Variants in DMD observed in about 807,000 individuals in gnomAD.
DMD encodes the protein mutant dystrophin.
In DMD, 63 loss-of-function variants were observed where a neutral mutation model predicts 330.1. That is an observed-to-expected ratio of 0.19 (90% CI 0.16 to 0.24). DMD has a LOEUF of 0.24. Ranked by LOEUF, DMD falls within the 10% of genes least tolerant of loss-of-function variation. The pLI is 1.00. For synonymous variants in DMD, 1,223 were observed against 959.8 expected, an observed-to-expected ratio of 1.27 and a Z score of -5.07; for missense variants, 3,344 against 2,684.1, an observed-to-expected ratio of 1.25 and a Z score of -5.43.
intron 1 of DMD, among the ~76,000 whole-genome samples, chrX:33,049,803 G>C (rs1408689037): frequency 9.0e-6 from 1 of 111,289 alleles, no homozygotes; most frequent in Non-Finnish European, 1.9e-5. Flanking sequence ...CATGAACTTG[G>C]ATACTTCTGT....
intron 2 of DMD, among the ~76,000 whole-genome samples, chrX:32,968,490 T>C (rs1465155900): frequency 8.9e-6 from 1 of 111,818 alleles, no homozygotes; most frequent in Non-Finnish European, 1.9e-5. Context: ...ATTTTTATCC[T>C]TCATTTGCTA....
chrX:32,030,602 G>A (rs1289394696), intron 44 of DMD, among the ~76,000 whole-genome samples: 1 of 111,803 alleles, frequency 8.9e-6, no homozygotes, highest in Non-Finnish European at 1.9e-5. Flanking sequence ...CATTGAAGAG[G>A]TTTGGCTTGT....
chrX:32,834,995 A>G (rs1478842950), intron 4 of DMD, among the ~76,000 whole-genome samples: 1 of 111,481 alleles, frequency 9.0e-6, no homozygotes, highest in African/African-American at 3.3e-5. Context: ...AAAGCACCAC[A>G]GTTAAATCTC....
chrX:32,939,393 C>A (rs1478450602), intron 2 of DMD, among the ~76,000 whole-genome samples: 1 of 110,115 alleles, frequency 9.1e-6, no homozygotes, highest in Non-Finnish European at 1.9e-5. Flanking sequence ...TATTGGCCAA[C>A]CACCTTGCAA....
chrX:32,722,299 C>CA (rs1460412814), intron 7 of DMD, among the ~76,000 whole-genome samples: 1 of 110,530 alleles, frequency 9.0e-6, no homozygotes, highest in Non-Finnish European at 1.9e-5. Flanking sequence ...AATACAACAA[C>CA]AAAAAATATT....
At chrX:31,744,024 C>G (rs1406485705) in intron 51 of DMD, among the ~76,000 whole-genome samples, 1 of 110,589 alleles carries the variant, frequency 9.0e-6, no homozygotes, top group Non-Finnish European at 1.9e-5. Flanking sequence ...CCACCATGCC[C>G]AGTTAATTTT....
intron 62 of DMD, among the ~76,000 whole-genome samples, chrX:31,316,170 G>T (rs1382192972): frequency 8.9e-6 from 1 of 112,129 alleles, no homozygotes; most frequent in Non-Finnish European, 1.9e-5. Context: ...AACTGTAGGA[G>T]CTATGAGAAA....
At chrX:33,118,439 T>C (rs958397802) in intron 1 of DMD, among the ~76,000 whole-genome samples, 4 of 111,595 alleles carry the variant, frequency 3.6e-5, no homozygotes, top group African/African-American at 1.3e-4. Context: ...TTTAAAGGGA[T>C]GTGACACAGT....
intron 42 of DMD, among the ~76,000 whole-genome samples, chrX:32,297,581 CATATATTATATCTTGGGT>C (rs778035744): frequency 9.0e-6 from 1 of 111,599 alleles, no homozygotes; most frequent in South Asian, 3.8e-4. Flanking sequence ...CTGAGACAGT[CATATATTATATCTTGGGT>C]ATATACTAGT....
chrX:33,115,612 C>T (rs1169539808), intron 1 of DMD, among the ~76,000 whole-genome samples: 1 of 108,144 alleles, frequency 9.2e-6, no homozygotes, highest in Non-Finnish European at 1.9e-5. Flanking sequence ...CCTGGGTTCA[C>T]GCCATTCTCC....
intron 11 of DMD, among the ~76,000 whole-genome samples, chrX:32,628,374 A>G (rs1178780011): frequency 2.1e-5 from 2 of 95,316 alleles, no homozygotes; most frequent in Non-Finnish European, 2.0e-5. Flanking sequence ...AACGTCCTCC[A>G]GTTCCATCCA....
chrX:31,954,629 AC>A (rs2095224497), intron 45 of DMD, among the ~76,000 whole-genome samples: 1 of 110,950 alleles, frequency 9.0e-6, no homozygotes, highest in African/African-American at 3.3e-5. Context: ...AGTAAGGTAA[AC>A]CAGGCACAGA....
chrX:32,663,750 T>G (rs1001478011), intron 9 of DMD, among the ~76,000 whole-genome samples: 1 of 111,337 alleles, frequency 9.0e-6, no homozygotes, highest in Non-Finnish European at 1.9e-5. Flanking sequence ...GATGTAAGTG[T>G]TATGGAGAAA....
At chrX:32,491,918 C>A (rs1373294520) in intron 19 of DMD, among the ~76,000 whole-genome samples, 1 of 111,888 alleles carries the variant, frequency 8.9e-6, no homozygotes, top group Non-Finnish European at 1.9e-5. Flanking sequence ...TATACTTCCC[C>A]AAACTAACTT....
At chrX:33,261,305 A>C (rs1346867623) in intron 1 of DMD, among the ~76,000 whole-genome samples, 1 of 111,195 alleles carries the variant, frequency 9.0e-6, no homozygotes, top group Non-Finnish European at 1.9e-5. Context: ...AAGAATAAGA[A>C]AGAAAATATA....
chrX:32,718,947 T>C (rs780536615), intron 7 of DMD, among the ~76,000 whole-genome samples: 1 of 112,248 alleles, frequency 8.9e-6, no homozygotes, highest in East Asian at 2.8e-4. Flanking sequence ...AAATGCTCCA[T>C]TAGGTAAATA....
intron 44 of DMD, among the ~76,000 whole-genome samples, chrX:32,104,170 G>A (rs1286363590): frequency 1.8e-5 from 2 of 111,189 alleles, no homozygotes; most frequent in East Asian, 5.6e-4. Context: ...GTTAATTTAG[G>A]CATGATTTTT....
At chrX:32,089,457 G>A (rs922473929) in intron 44 of DMD, among the ~76,000 whole-genome samples, 1 of 111,031 alleles carries the variant, frequency 9.0e-6, no homozygotes, top group Non-Finnish European at 1.9e-5. Context: ...CCCTCCAGTA[G>A]GCCCCAGTGT....
chrX:32,699,520 A>T (rs928027146), intron 7 of DMD, among the ~76,000 whole-genome samples: 2 of 111,972 alleles, frequency 1.8e-5, no homozygotes, highest in African/African-American at 6.5e-5. Flanking sequence ...TTCCTTGTTC[A>T]TATAAAAACT....
Sources: gnomAD v4.1 joint callset for allele counts (sites outside exome capture counted in the v4.1 genomes callset) on GRCh38, gnomAD v4.1.1 for gene constraint, MANE v1.5 for transcripts, NCBI Gene and HGNC (gene_info 2026-07-23, HGNC 2026-07-21) for gene names.